C19orf47: variants seen among roughly 807,000 people sequenced by gnomAD.
C19orf47 encodes the protein chromosome 19 open reading frame 47.
C19orf47 carries 18 observed loss-of-function variants against 32.3 expected under a neutral mutation model. The ratio of observed to expected loss-of-function variants is 0.56; its 90% CI spans 0.39 to 0.83. The LOEUF is 0.83. Among genes scored for constraint, C19orf47 ranks in the 40% least tolerant of loss-of-function variants. The pLI, the probability that C19orf47 is intolerant of heterozygous loss-of-function variation, is 0.00. For synonymous variants in C19orf47, 202 were observed against 211.1 expected (o/e 0.96, Z 0.37); for missense variants, 484 against 531.6 (o/e 0.91, Z 0.88).
chr19:40,328,541 C>G lies in C19orf47; in HGVS notation c.311G>C (p.Arg104Pro). The G allele has an allele frequency of 6.2e-7, 1 of 1,604,656 alleles. No homozygotes were observed. Among genetic ancestry groups the G allele is most frequent in the Non-Finnish European group, 8.5e-7 (1 of 1,176,464 alleles). Residue 104 changes from arginine to proline, a missense_variant, in exon 6 of 9, where the codon CGA (arginine) becomes CCA (proline). Physicochemically the swap from Arg to Pro is moderately radical, Grantham distance 103. Coordinates refer to ENST00000683109, the MANE Select transcript of C19orf47 (RefSeq NM_001256441.2). ...EIRRGTSAASRMITNSLNHDS... is the reference protein window; with the variant it reads ...EIRRGTSAASPMITNSLNHDS... ...ATGGTTCAGGCTGTTGGTGATCATT[C>G]GGGAGGCAGCTGTGGGGAGAAAAGG...
the C19orf47 span, among the ~76,000 whole-genome samples, chr19:40,309,223 A>T: frequency 9.3e-5 from 13 of 139,512 alleles, no homozygotes; most frequent in Admixed American, 4.6e-4. Flanking sequence ...ACACAGTCTC[A>T]CTCTGTCACC....
At chr19:40,317,508 G>A (rs1204363987), downstream of C19orf47, among the ~76,000 whole-genome samples, 6 of 152,080 alleles carry the variant, frequency 3.9e-5, no homozygotes, top group African/African-American at 9.7e-5. Context: ...CTGTTGGGGC[G>A]GGCTCGGGAG....
At position 40,320,084 on chromosome 19, in the gene C19orf47, T is replaced by C; in HGVS notation, c.*1798A>G. 6.5e-6 allele frequency: 1 copy of C among 154,542 alleles called. No individual in the cohort carries two copies. The highest frequency in any genetic ancestry group is 2.4e-5 in the African/African-American group (1 of 41,530). 9.6% of individuals were successfully genotyped at this position (154,542 alleles called of 1,614,324 possible). A position where few individuals can be genotyped will look rare whatever the true frequency, so the allele number is the denominator to read the frequency against. On this transcript the variant is annotated 3_prime_UTR_variant, in exon 9 of 9. Transcript: ENST00000683109. ...TTCTCTAGCCCCAACTTCCAACCCA[T>C]CAGCACATCCCACAGCTCTTCCTCC...
At chr19:40,294,867 G>C in the C19orf47 span, among the ~76,000 whole-genome samples, 3 of 152,180 alleles carry the variant, frequency 2.0e-5, no homozygotes, top group Non-Finnish European at 2.9e-5. Context: ...CCAGTCCGTA[G>C]GGCTTTGTTG....
At chr19:40,336,967 C>A (rs1465085805) in intron 2 of C19orf47, among the ~76,000 whole-genome samples, 1 of 152,206 alleles carries the variant, frequency 6.6e-6, no homozygotes, top group Non-Finnish European at 1.5e-5. Flanking sequence ...GGCTTCGGAG[C>A]TTGGGTTTGA....
Position 40,322,343 on chromosome 19 carries a change from G to C in C19orf47, c.697C>G (p.Pro233Ala), listed in dbSNP as rs775390720. The C allele has an allele frequency of 3.1e-6, 5 of 1,599,068 alleles. No individual in the cohort carries two copies. Among genetic ancestry groups the C allele is most frequent in the Non-Finnish European group, 4.3e-6 (5 of 1,170,860 alleles). The change falls in exon 9 of 9, where the codon CCA becomes GCA. Residue 233 changes from proline to alanine, a missense_variant. This residue lies in a region of C19orf47 where 376 missense variants were observed against 370.2 expected (regional missense o/e 1.02). Transcript: ENST00000683109. ...TGVFSRLGAT[P>A]ETDEDLAWDS... ...CAAGCCAGATCCTCGTCCGTTTCTG[G>C]GGTGGCCCCCAGGCGGCTGAAGACT...
chr19:40,295,473 C>G, the C19orf47 span, among the ~76,000 whole-genome samples: 3 of 152,182 alleles, frequency 2.0e-5, no homozygotes, highest in Admixed American at 2.0e-4. Flanking sequence ...CTCACTCTGT[C>G]GCCCAGGCTG....
chr19:40,306,016 T>C, the C19orf47 span, among the ~76,000 whole-genome samples: 3 of 151,532 alleles, frequency 2.0e-5, no homozygotes, highest in Non-Finnish European at 4.4e-5. Context: ...CCGGACGTGG[T>C]GGTGGGCGCC....
Position 40,320,415 on chromosome 19 carries a change from C to T in C19orf47, c.*1467G>A, listed in dbSNP as rs2077699986. 2 of 155,742 alleles carry T rather than the reference C, an allele frequency of 1.3e-5. No homozygotes were observed. Among genetic ancestry groups the T allele is most frequent in the African/African-American group, 2.4e-5 (1 of 41,478 alleles). The allele number at this position is 155,742 out of a possible 1,614,324, so 9.6% of individuals were successfully genotyped here. On this transcript the variant is annotated 3_prime_UTR_variant, in exon 9 of 9. Transcript: ENST00000683109. ...TCTGCCTCATGCTGGAGGCAGGGCC[C>T]ACCCTCACCCACAGCCACCAGCCTT...
At position 40,333,852 on chromosome 19, in the gene C19orf47, A is replaced by C. The variant is rs895469188; in HGVS notation, c.300T>G (p.Ser100Arg). 3.8e-6 allele frequency: 6 copies of C among 1,569,466 alleles called. No homozygotes were observed. Among genetic ancestry groups the C allele is most frequent in the African/African-American group, 2.7e-5 (2 of 74,130 alleles). ...GAGGCCTGAATAGTTAGGACTCACC[A>C]CTGGTGCCACGGCGAATTTCGCCTG... ...PLAGEIRRGT[S>R]AASRMITNSL... Residue 100 changes from serine to arginine, a missense_variant and splice_region_variant, in exon 5 of 9, where the codon AGT becomes AGG. Physicochemically the swap from Ser to Arg is moderately radical, Grantham distance 110. Coordinates refer to ENST00000683109, the MANE Select transcript of C19orf47 (RefSeq NM_001256441.2).
Position 40,328,404 on chromosome 19 carries a change from T to G in C19orf47, c.439+9A>C. On this transcript the variant is annotated intron_variant, in intron 6 of 8. Coordinates refer to ENST00000683109, the MANE Select transcript of C19orf47 (RefSeq NM_001256441.2). ...CAGCTCCTCCTACCACCTGCCCATG[T>G]TCCCTCACCAGTGGCCTTGGCACTC... 6.2e-7 allele frequency: 1 copy of G among 1,611,648 alleles called. No homozygotes were observed. Among genetic ancestry groups the G allele is most frequent in the South Asian group, 1.1e-5 (1 of 90,714 alleles).
chr19:40,323,387 G>A (rs767758228), intron 8 of C19orf47, among the ~76,000 whole-genome samples: 1 of 152,228 alleles, frequency 6.6e-6, no homozygotes, highest in Non-Finnish European at 1.5e-5. Context: ...CCAAAGCCAC[G>A]CAGTCAGGCC....
Position 40,321,798 on chromosome 19 carries a change from G to A in C19orf47, c.*84C>T, listed in dbSNP as rs1292850128. On this transcript the variant is annotated 3_prime_UTR_variant, in exon 9 of 9. Transcript: ENST00000683109. ...CAAGCTGTGTCATCCAGGAGCTGGT[G>A]GGAGGCGTGATGAAGCCAGGAGCCT... is the stretch of plus-strand genomic sequence containing the variant. 1 of 1,447,024 alleles carries A rather than the reference G, an allele frequency of 6.9e-7. No homozygotes were observed. The highest frequency in any genetic ancestry group is 1.5e-5 in the South Asian group (1 of 67,970). 89.6% of individuals were successfully genotyped at this position (1,447,024 alleles called of 1,614,324 possible).
chr19:40,346,271 C>G (rs1429435268), intron 1 of C19orf47, among the ~76,000 whole-genome samples: 2 of 149,852 alleles, frequency 1.3e-5, no homozygotes, highest in African/African-American at 4.9e-5. Context: ...TAGTGAAACC[C>G]CTCTCTACTA....
intron 1 of C19orf47, among the ~76,000 whole-genome samples, chr19:40,345,830 C>T (rs1272252788): frequency 8.6e-6 from 1 of 115,848 alleles, no homozygotes. Flanking sequence ...GCCTGGGCAA[C>T]AGAGCAAGAC....
chr19:40,333,450 G>T (rs754626813), intron 5 of C19orf47, among the ~76,000 whole-genome samples: 1 of 151,860 alleles, frequency 6.6e-6, no homozygotes, highest in Admixed American at 6.6e-5. Context: ...ATGAGTTCCC[G>T]GTTAATGAAA....
chr19:40,312,432 C>T, the C19orf47 span, among the ~76,000 whole-genome samples: 2 of 152,140 alleles, frequency 1.3e-5, no homozygotes, highest in East Asian at 3.8e-4. Flanking sequence ...GTAGTCCCAG[C>T]TACTTGGGAG....
the C19orf47 span, among the ~76,000 whole-genome samples, chr19:40,297,504 C>G: frequency 1.3e-5 from 2 of 152,144 alleles, no homozygotes; most frequent in Non-Finnish European, 2.9e-5. Context: ...AGTTCAAGAT[C>G]AGCCTGGCCA....
the C19orf47 span, among the ~76,000 whole-genome samples, chr19:40,306,173 AAG>A: frequency 1.3e-5 from 2 of 151,522 alleles, no homozygotes; most frequent in African/African-American, 4.8e-5. Context: ...AAAAAAAAAA[AAG>A]GAAAGAGAAT....
Sources: gnomAD v4.1 joint callset for allele counts (sites outside exome capture counted in the v4.1 genomes callset) on GRCh38, gnomAD v4.1.1 for gene constraint, gnomAD v4.1.1 regional missense constraint, MANE v1.5 for transcripts, NCBI Gene and HGNC (gene_info 2026-07-23, HGNC 2026-07-21) for gene names.